PDE1A: variants seen among roughly 807,000 people sequenced by gnomAD.
PDE1A encodes phosphodiesterase 1A.
Under a neutral mutation model 61.7 loss-of-function variants are expected in PDE1A, and 35 were observed. The observed-to-expected ratio is 0.57, with a 90% CI of 0.43 to 0.75. The LOEUF (loss-of-function observed/expected upper bound fraction) is 0.75, where lower values mean the gene tolerates loss of function less well. Ranked by LOEUF, PDE1A falls within the 30% of genes least tolerant of loss-of-function variation. PDE1A has a pLI of 0.00. For synonymous variants in PDE1A, 232 were observed against 213.2 expected (o/e 1.09, Z -0.77); for missense variants, 597 against 630.6 (o/e 0.95, Z 0.57).
At chr2:182,338,033 T>C (rs1697952695) in intron 1 of PDE1A, among the ~76,000 whole-genome samples, 1 of 152,188 alleles carries the variant, frequency 6.6e-6, no homozygotes. Flanking sequence ...CTGCACACTA[T>C]TAGCACAGTT....
chr2:182,659,440 C>G, the PDE1A span, among the ~76,000 whole-genome samples: 15 of 152,142 alleles, frequency 9.9e-5, no homozygotes, highest in East Asian at 2.9e-3. Context: ...GAAATAAAAC[C>G]AATTCATAAA....
chr2:182,617,239 A>G, the PDE1A span, among the ~76,000 whole-genome samples: 4 of 152,158 alleles, frequency 2.6e-5, no homozygotes, highest in Admixed American at 1.3e-4. Context: ...TGAGTGGTCA[A>G]TCATGTCTAT....
chr2:182,264,479 G>T, intron 1 of PDE1A, 65 bp from the exon 2 acceptor site: 1 of 1,142,392 alleles, frequency 8.8e-7, no homozygotes. Flanking sequence ...ATGGAAAATA[G>T]TACAGTATTA....
At chr2:182,364,495 A>C (rs1028603397) in intron 1 of PDE1A, among the ~76,000 whole-genome samples, 24 of 145,380 alleles carry the variant, frequency 1.7e-4, no homozygotes, top group South Asian at 9.0e-4. Context: ...AAAAAAAAAA[A>C]AAAACCTTAT....
intron 1 of PDE1A, among the ~76,000 whole-genome samples, chr2:182,357,600 G>A (rs141807271): frequency 0.012 from 1,898 of 152,050 alleles, 24 homozygotes; most frequent in South Asian, 0.048. Context: ...TTATTTATTG[G>A]CTATTAGGAT....
At chr2:182,200,197 C>A (rs1017355912) in intron 10 of PDE1A, among the ~76,000 whole-genome samples, 3 of 152,096 alleles carry the variant, frequency 2.0e-5, no homozygotes, top group Non-Finnish European at 2.9e-5. Flanking sequence ...CAGTTCCTAG[C>A]AGAGCTTCAA....
chr2:182,442,633 G>T (rs893879630), intron 2 of PDE1A, among the ~76,000 whole-genome samples: 2 of 151,946 alleles, frequency 1.3e-5, no homozygotes, highest in Admixed American at 1.3e-4. Context: ...TGAATAAAGA[G>T]AATAAAGACA....
chr2:182,247,332 C>T (rs765103835), intron 2 of PDE1A, among the ~76,000 whole-genome samples: 1 of 152,060 alleles, frequency 6.6e-6, no homozygotes, highest in Non-Finnish European at 1.5e-5. Context: ...CTCTTTTATG[C>T]TCATTTATCA....
At chr2:182,600,483 G>A in the PDE1A span, among the ~76,000 whole-genome samples, 1 of 152,196 alleles carries the variant, frequency 6.6e-6, no homozygotes, top group East Asian at 1.9e-4. Context: ...CCTTCATGGA[G>A]AGAGCTGTTT....
At chr2:182,540,713 C>T in the PDE1A span, among the ~76,000 whole-genome samples, 5 of 152,030 alleles carry the variant, frequency 3.3e-5, no homozygotes, top group African/African-American at 1.2e-4. Flanking sequence ...TTCATATGTA[C>T]ACAGTTTGTC....
the PDE1A span, among the ~76,000 whole-genome samples, chr2:182,685,184 A>T: frequency 6.6e-6 from 1 of 151,900 alleles, no homozygotes; most frequent in African/African-American, 2.4e-5. Context: ...TAAAACCTTG[A>T]CTATCAAAAG....
intron 13 of PDE1A, among the ~76,000 whole-genome samples, chr2:182,184,688 T>C (rs1447185952): frequency 1.3e-5 from 2 of 152,170 alleles, no homozygotes; most frequent in African/African-American, 2.4e-5. Flanking sequence ...AGATTGCATA[T>C]ACGAATGTGT....
rs573460584 is a variant in PDE1A at position 182,338,680 on chromosome 2, C to T, written c.54-74266G>A. Among the ~76,000 whole-genome samples, 11 of 152,112 alleles carry T rather than the reference C, an allele frequency of 7.2e-5. No homozygotes were observed. In the South Asian group the frequency reaches 1.0e-3, roughly 14 times the overall value. ...CTGGGACTATAAGCACCTGACACCA[C>T]GCCTGGCTAATTTTTGTATTTTTAG... On this transcript the variant is annotated intron_variant, in intron 1 of 13. Transcript: ENST00000351439.
At chr2:182,554,975 A>G in the PDE1A span, among the ~76,000 whole-genome samples, 1 of 152,238 alleles carries the variant, frequency 6.6e-6, no homozygotes, top group Non-Finnish European at 1.5e-5. Flanking sequence ...CAAAAGTGTA[A>G]ACAGAGAAAT....
At chr2:182,211,852 T>C (rs2125535095) in intron 7 of PDE1A, among the ~76,000 whole-genome samples, 1 of 152,320 alleles carries the variant, frequency 6.6e-6, no homozygotes, top group East Asian at 1.9e-4. Context: ...ATTAACCTTG[T>C]ATTTTGCAAC....
chr2:182,266,761 G>GA (rs1361087768), intron 1 of PDE1A, among the ~76,000 whole-genome samples: 1 of 152,090 alleles, frequency 6.6e-6, no homozygotes, highest in African/African-American at 2.4e-5. Flanking sequence ...TTGCTGTCTG[G>GA]AATGCAGCGG....
chr2:182,296,823 C>T (rs966607456), intron 1 of PDE1A, among the ~76,000 whole-genome samples: 2 of 152,132 alleles, frequency 1.3e-5, no homozygotes, highest in Non-Finnish European at 2.9e-5. Context: ...ATGTTGAGTA[C>T]ACATCATCAA....
chr2:182,166,915 T>C (rs572703565), downstream of PDE1A, among the ~76,000 whole-genome samples: 1 of 152,256 alleles, frequency 6.6e-6, no homozygotes, highest in East Asian at 1.9e-4. Flanking sequence ...CTGATAACAG[T>C]AAAAGATGAT....
the PDE1A span, among the ~76,000 whole-genome samples, chr2:182,565,683 G>GA: frequency 1.6e-4 from 24 of 150,486 alleles, no homozygotes; most frequent in Admixed American, 9.9e-4. Context: ...TTTTTTGGAA[G>GA]AAAAAAAAAG....
Sources: allele counts gnomAD v4.1 joint callset (sites outside exome capture counted in the v4.1 genomes callset), GRCh38; gene constraint gnomAD v4.1.1; transcripts MANE v1.5; gene names NCBI Gene and HGNC (gene_info 2026-07-23, HGNC 2026-07-21).